Variants in TSHZ3 observed in about 807,000 individuals in gnomAD.
TSHZ3 encodes the protein teashirt homolog 3.
TSHZ3 carries 10 observed loss-of-function variants against 64.5 expected under a neutral mutation model. The observed-to-expected ratio is 0.16, with a 90% confidence interval of 0.10 to 0.26. The LOEUF is 0.26. Among genes scored for constraint, TSHZ3 ranks in the 10% least tolerant of loss-of-function variants. The pLI is 1.00. For synonymous variants in TSHZ3, 608 were observed against 593.1 expected, an observed-to-expected ratio of 1.03 and a Z score of -0.36; for missense variants, 1,242 against 1,421.7, an observed-to-expected ratio of 0.87 and a Z score of 2.03.
chr19:31,333,106 CAATAAATAAATA>C (rs10585080), intron 1 of TSHZ3, among the ~76,000 whole-genome samples: 1,897 of 137,854 alleles, frequency 0.014, 36 homozygotes, highest in African/African-American at 0.04. Flanking sequence ...TCCTGTCTCA[CAATAAATAAATA>C]AATAAATAAA....
chr19:31,204,991 T>G (rs111421614), exon 5 of TSHZ3: 1 of 152,314 alleles, frequency 6.6e-6, no homozygotes, highest in African/African-American at 2.4e-5. Context: ...TTTGTAATGA[T>G]GCAGCAGCGA....
chr19:31,277,777 G>T lies in TSHZ3; in HGVS notation c.2016C>A (p.Ser672Arg), dbSNP rs373477520. ...CATCCTTGCACCCATCCCGCGGGGG[G>T]CTGGGGCTGTTCTCCTGGCTGCGGA... The part of the protein sequence containing the change: ...GGFRSQENSP[S>R]PPRDGCKDGS... The change falls in exon 2 of 2, where the codon AGC becomes AGA. Residue 672 changes from serine (S) to arginine (R), a missense_variant. Transcript: ENST00000240587. This position sits in a 1 kb window ranked among gnomAD's most constrained non-coding sequence, Gnocchi z 4.5. 1.3e-6 allele frequency: 2 copies of T among 1,534,600 alleles called. No individual in the cohort carries two copies. Among genetic ancestry groups the T allele is most frequent in the Non-Finnish European group, 1.7e-6 (2 of 1,144,236 alleles).
chr19:31,271,755 A>G (rs1976142598), downstream of TSHZ3, among the ~76,000 whole-genome samples: 1 of 152,222 alleles, frequency 6.6e-6, no homozygotes, highest in African/African-American at 2.4e-5. Context: ...CAAAGATTAC[A>G]CGTGCTCACT....
At chr19:31,215,820 G>A (rs1377401136) in intron 4 of TSHZ3, among the ~76,000 whole-genome samples, 6 of 152,198 alleles carry the variant, frequency 3.9e-5, no homozygotes, top group Admixed American at 6.5e-5. Context: ...GCAGTGAGCC[G>A]AGATCGTGCC....
At chr19:31,186,221 T>C (rs796269002) in intron 5 of TSHZ3, among the ~76,000 whole-genome samples, 6 of 152,266 alleles carry the variant, frequency 3.9e-5, no homozygotes, top group African/African-American at 1.4e-4. Context: ...GTAAAGAGTA[T>C]ATTTAATTCT....
chr19:31,283,073 C>G (rs1378572474), intron 1 of TSHZ3, among the ~76,000 whole-genome samples: 1 of 152,156 alleles, frequency 6.6e-6, no homozygotes, highest in African/African-American at 2.4e-5. Context: ...TGGCTCATTC[C>G]TGTAATCCCA....
intron 1 of TSHZ3, among the ~76,000 whole-genome samples, chr19:31,251,668 C>T (rs1034064127): frequency 6.6e-6 from 1 of 152,174 alleles, no homozygotes; most frequent in Non-Finnish European, 1.5e-5. Context: ...GTCCAGTGGG[C>T]ACTTCTTTGG....
chr19:31,156,449 T>A (rs1236431882), intron 5 of TSHZ3, among the ~76,000 whole-genome samples: 5 of 152,174 alleles, frequency 3.3e-5, no homozygotes, highest in African/African-American at 4.8e-5. Context: ...ATCAGTGGGA[T>A]AAGACATCCC....
At chr19:31,230,870 T>G (rs1291295950) in intron 3 of TSHZ3, among the ~76,000 whole-genome samples, 1 of 151,498 alleles carries the variant, frequency 6.6e-6, no homozygotes, top group Non-Finnish European at 1.5e-5. Flanking sequence ...CGGCTAATTT[T>G]TTTTTGTATT....
upstream of TSHZ3, among the ~76,000 whole-genome samples, chr19:31,350,151 G>A (rs1235549436): frequency 2.1e-5 from 3 of 140,922 alleles, no homozygotes; most frequent in Admixed American, 7.2e-5. Context: ...CGTGGTCCCC[G>A]GGCCGGGGCT....
intron 5 of TSHZ3, among the ~76,000 whole-genome samples, chr19:31,159,773 G>C (rs1413062299): frequency 6.6e-6 from 1 of 151,880 alleles, no homozygotes; most frequent in Admixed American, 6.6e-5. Context: ...GCTCACTGCA[G>C]CTTCAATCTC....
chr19:31,244,922 G>A (rs570648919), intron 1 of TSHZ3, among the ~76,000 whole-genome samples: 1 of 152,254 alleles, frequency 6.6e-6, no homozygotes, highest in South Asian at 2.1e-4. Context: ...AGGATTATAG[G>A]CATGAGCCAC....
At chr19:31,292,204 T>G (rs1307834262) in intron 1 of TSHZ3, among the ~76,000 whole-genome samples, 1 of 152,214 alleles carries the variant, frequency 6.6e-6, no homozygotes, top group Non-Finnish European at 1.5e-5. Flanking sequence ...TCTCTCATCT[T>G]GGTGGAATAG....
intron 4 of TSHZ3, among the ~76,000 whole-genome samples, chr19:31,221,042 T>A (rs1423891418): frequency 6.6e-6 from 1 of 152,178 alleles, no homozygotes; most frequent in African/African-American, 2.4e-5. Context: ...AAGACTAAGA[T>A]CAGAGATGTG....
chr19:31,208,629 A>G (rs1009901059), intron 4 of TSHZ3, among the ~76,000 whole-genome samples: 1 of 152,208 alleles, frequency 6.6e-6, no homozygotes, highest in Non-Finnish European at 1.5e-5. Flanking sequence ...TGGAAATAGG[A>G]TTAGAAGAGT....
intron 6 of TSHZ3, among the ~76,000 whole-genome samples, chr19:31,154,617 A>G (rs1445285870): frequency 6.6e-6 from 1 of 152,218 alleles, no homozygotes; most frequent in East Asian, 1.9e-4. Flanking sequence ...AGAGGGGTTC[A>G]TGTTAACAGG....
chr19:31,159,193 G>A (rs1366211438), intron 5 of TSHZ3, among the ~76,000 whole-genome samples: 1 of 152,116 alleles, frequency 6.6e-6, no homozygotes, highest in Admixed American at 6.5e-5. Context: ...GGAGATGGGG[G>A]TTTCACCATT....
chr19:31,276,945 G>A lies in TSHZ3; in HGVS notation c.2848C>T (p.Leu950=). ...GLSMTTISHW[L]ANVKYQLRRT... ...CGAAGCTGGTATTTCACGTTGGCCA[G>A]CCAGTGGCTGATGGTGGTCATGGAC... Residue 950 remains leucine (L), a synonymous_variant, in exon 2 of 2, where the codon CTG becomes TTG. Transcript: ENST00000240587. 1 of 1,614,224 alleles carries A rather than the reference G, an allele frequency of 6.2e-7. No individual in the cohort carries two copies. Among genetic ancestry groups the A allele is most frequent in the Non-Finnish European group, 8.5e-7 (1 of 1,180,032 alleles).
rs188331100 is a variant in TSHZ3, at chr19:31,305,962, A to T, written c.41-26210T>A. 4.6e-4 allele frequency among the ~76,000 whole-genome samples: 70 copies of T among 152,064 alleles called. No individual in the cohort carries two copies. In the East Asian group the frequency reaches 0.011, roughly 24 times the overall value. On this transcript the variant is annotated intron_variant, in intron 1 of 1. Transcript: ENST00000240587. ...ATCTTTACATAATTCAAGAGAAATT[A>T]AAAAAAAATTTCACTTGAAAGCCAG...
Sources: allele counts gnomAD v4.1 joint callset (sites outside exome capture counted in the v4.1 genomes callset), GRCh38; gene constraint gnomAD v4.1.1; non-coding constraint Gnocchi (gnomAD v3.1); transcripts MANE v1.5; gene names NCBI Gene and HGNC (gene_info 2026-07-23, HGNC 2026-07-21).